Variants in TMEM272 observed in about 807,000 individuals in gnomAD.
The protein encoded by TMEM272 is long intergenic non-protein coding RNA 282.
TMEM272 carries 8 observed loss-of-function variants against 3.7 expected under a neutral mutation model. The ratio of observed to expected loss-of-function variants is 2.17; its 90% CI spans 1.27 to 3.91. TMEM272 has a LOEUF of 3.91. Among genes scored for constraint, TMEM272 ranks in the 30% most tolerant of loss-of-function variants. The pLI, the probability that TMEM272 is intolerant of heterozygous loss-of-function variation, is 0.00. For synonymous variants in TMEM272, 63 were observed against 39.8 expected (o/e 1.58, Z -2.20); for missense variants, 166 against 91.5 (o/e 1.81, Z -3.32).
the TMEM272 span, among the ~76,000 whole-genome samples, chr13:51,859,552 A>AC: frequency 6.7e-6 from 1 of 150,046 alleles, no homozygotes; most frequent in African/African-American, 2.5e-5. Context: ...ACACACAGAC[A>AC]CCCCCTCAGC....
chr13:51,818,406 T>C (rs975957), intron 4 of TMEM272, among the ~76,000 whole-genome samples: 113,282 of 152,118 alleles, frequency 0.74, 42,510 homozygotes, highest in Admixed American at 0.81. Flanking sequence ...AAATGCAGGG[T>C]CTAGTGGCCC....
At chr13:51,824,077 A>AT (rs1257344565) in intron 3 of TMEM272, among the ~76,000 whole-genome samples, 1 of 152,264 alleles carries the variant, frequency 6.6e-6, no homozygotes, top group Non-Finnish European at 1.5e-5. Flanking sequence ...TGAAATGAAC[A>AT]TTGAGTAATG....
chr13:51,826,191 G>T (rs1956123961), intron 3 of TMEM272, among the ~76,000 whole-genome samples: 1 of 150,658 alleles, frequency 6.6e-6, no homozygotes, highest in African/African-American at 2.4e-5. Context: ...CTAACGCCAG[G>T]TGCATTTTTT....
chr13:51,851,404 G>T, the TMEM272 span, among the ~76,000 whole-genome samples: 3 of 146,298 alleles, frequency 2.1e-5, no homozygotes, highest in East Asian at 2.0e-4. Context: ...GGAGGAAGAA[G>T]AAGAACAAGA....
the TMEM272 span, among the ~76,000 whole-genome samples, chr13:51,868,527 C>T: frequency 3.7e-4 from 57 of 152,336 alleles, no homozygotes; most frequent in Middle Eastern, 3.4e-3. Flanking sequence ...ACAGAAACAT[C>T]TCCTAACTTC....
chr13:51,909,945 A>G, the TMEM272 span: 1 of 1,598,548 alleles, frequency 6.3e-7, no homozygotes, highest in South Asian at 1.1e-5. Context: ...AGCTTCTTGC[A>G]AAAGCTGTTT....
At chr13:51,826,773 C>T in intron 2 of TMEM272, 148 bp from the exon 3 acceptor site, 1 of 639,814 alleles carries the variant, frequency 1.6e-6, no homozygotes, top group East Asian at 2.7e-5. Flanking sequence ...CGCAGCTCGC[C>T]TGGGGCTCCC....
chr13:51,822,760 G>A (rs1270387716), intron 3 of TMEM272, among the ~76,000 whole-genome samples: 2 of 152,184 alleles, frequency 1.3e-5, no homozygotes, highest in Non-Finnish European at 2.9e-5. Context: ...CAGATACAGA[G>A]TACTACCAAG....
chr13:51,897,152 C>T, the TMEM272 span, among the ~76,000 whole-genome samples: 1 of 152,302 alleles, frequency 6.6e-6, no homozygotes, highest in African/African-American at 2.4e-5. Flanking sequence ...TTCAGAAACC[C>T]AAATCTTTTG....
the TMEM272 span, among the ~76,000 whole-genome samples, chr13:51,931,905 A>T: frequency 6.6e-6 from 1 of 152,118 alleles, no homozygotes; most frequent in African/African-American, 2.4e-5. Context: ...AGACGTGGAT[A>T]TGGGGGAGAA....
intron 1 of TMEM272, among the ~76,000 whole-genome samples, chr13:51,840,158 G>C (rs562669317): frequency 2.0e-5 from 3 of 152,034 alleles, no homozygotes; most frequent in Admixed American, 2.0e-4. Flanking sequence ...TGAGGCCTCC[G>C]AGACTCTATC....
Position 51,838,483 on chromosome 13 carries a change from G to T in TMEM272, c.48C>A (p.Ile16=), listed in dbSNP as rs1023414317. ...AGAGTTGTGACTCACCATTGCTGGC[G>T]ATTTTAGAAATGCACTGATGACACG... ...EKTCHQCISK[I]ASNACFVVVL... The change falls in exon 2 of 5, where the codon ATC becomes ATA. Residue 16 remains isoleucine (I), a synonymous_variant. Transcript: ENST00000629372. 2.8e-6 allele frequency: 2 copies of T among 703,002 alleles called. No individual in the cohort carries two copies. Among genetic ancestry groups the T allele is most frequent in the South Asian group, 1.5e-5 (1 of 67,594 alleles). 43.5% of individuals were successfully genotyped at this position (703,002 alleles called of 1,614,324 possible). A position where few individuals can be genotyped will look rare whatever the true frequency, so the allele number is the denominator to read the frequency against.
At chr13:51,902,263 T>A in the TMEM272 span, among the ~76,000 whole-genome samples, 332 of 152,332 alleles carry the variant, frequency 2.2e-3, 2 homozygotes, top group Non-Finnish European at 3.4e-3. Flanking sequence ...ACATTTTCAG[T>A]GTGGGACTGA....
the TMEM272 span, among the ~76,000 whole-genome samples, chr13:51,918,225 C>T: frequency 1.3e-5 from 2 of 152,208 alleles, no homozygotes; most frequent in African/African-American, 4.8e-5. Context: ...TGGGGGTCAG[C>T]ACTTCCTCCT....
At chr13:51,907,638 C>T in the TMEM272 span, among the ~76,000 whole-genome samples, 25,831 of 152,108 alleles carry the variant, frequency 0.17, 2,368 homozygotes, top group Middle Eastern at 0.26. Context: ...AGGCTCTTGC[C>T]CATGTTTTTC....
At chr13:51,933,344 C>T in the TMEM272 span, 1 of 152,168 alleles carries the variant, frequency 6.6e-6, no homozygotes, top group Non-Finnish European at 1.5e-5. Flanking sequence ...GTAATAGCTA[C>T]CCTGCTGGTT....
the TMEM272 span, among the ~76,000 whole-genome samples, chr13:51,874,222 A>G: frequency 1.3e-5 from 2 of 152,340 alleles, no homozygotes; most frequent in Non-Finnish European, 2.9e-5. Flanking sequence ...TATTTTCTGC[A>G]TAATGTTCTT....
intron 3 of TMEM272, among the ~76,000 whole-genome samples, chr13:51,824,877 G>A (rs896180539): frequency 3.9e-5 from 6 of 152,194 alleles, no homozygotes; most frequent in Admixed American, 3.9e-4. Context: ...CACTTGAGCC[G>A]GGTAGGCAGA....
At chr13:51,919,556 TTAAG>T in the TMEM272 span, among the ~76,000 whole-genome samples, 37 of 152,306 alleles carry the variant, frequency 2.4e-4, no homozygotes, top group African/African-American at 5.3e-4. Context: ...TCATGACTCT[TTAAG>T]TATCTGTAAT....
Sources: gnomAD v4.1 joint callset for allele counts (sites outside exome capture counted in the v4.1 genomes callset) on GRCh38, gnomAD v4.1.1 for gene constraint, MANE v1.5 for transcripts, NCBI Gene and HGNC (gene_info 2026-07-23, HGNC 2026-07-21) for gene names.